TMEM163: variants seen among roughly 807,000 people sequenced by gnomAD.
TMEM163 encodes transmembrane protein 163.
TMEM163 carries 17 observed loss-of-function variants against 29.3 expected under a neutral mutation model. The ratio of observed to expected loss-of-function variants is 0.58; its 90% CI spans 0.40 to 0.87. The LOEUF is 0.87. Ranked by LOEUF, TMEM163 falls within the 40% of genes least tolerant of loss-of-function variation. The pLI, the probability that TMEM163 is intolerant of heterozygous loss-of-function variation, is 0.00. For synonymous variants in TMEM163, 157 were observed against 160.6 expected, an observed-to-expected ratio of 0.98 and a Z score of 0.17; for missense variants, 303 against 381.5, an observed-to-expected ratio of 0.79 and a Z score of 1.71.
intron 2 of TMEM163, among the ~76,000 whole-genome samples, chr2:134,680,055 C>A (rs1360406534): frequency 6.6e-6 from 1 of 152,234 alleles, no homozygotes; most frequent in East Asian, 1.9e-4. Flanking sequence ...ACCTGAGTTT[C>A]CATGGCTCTG....
intron 2 of TMEM163, among the ~76,000 whole-genome samples, chr2:134,705,209 C>CAA (rs59533911): frequency 2.3e-5 from 3 of 132,066 alleles, no homozygotes; most frequent in East Asian, 2.2e-4. Context: ...GACTCCATCT[C>CAA]AAAAAAAAAA....
intron 2 of TMEM163, among the ~76,000 whole-genome samples, chr2:134,639,172 G>A (rs1013333447): frequency 6.6e-6 from 1 of 152,174 alleles, no homozygotes; most frequent in African/African-American, 2.4e-5. Flanking sequence ...GCATTCCACC[G>A]AGCTGACACT....
chr2:134,475,687 T>A (rs1231597092), intron 5 of TMEM163, among the ~76,000 whole-genome samples: 1 of 152,132 alleles, frequency 6.6e-6, no homozygotes, highest in African/African-American at 2.4e-5. Flanking sequence ...TTAAACACTT[T>A]ACCAAATAAG....
chr2:134,586,626 G>A (rs753016254), intron 2 of TMEM163, among the ~76,000 whole-genome samples: 1 of 152,182 alleles, frequency 6.6e-6, no homozygotes, highest in African/African-American at 2.4e-5. Context: ...CTGGGAGTTA[G>A]GACTTCAACA....
Position 134,456,600 on chromosome 2 carries a change from C to A in TMEM163, c.*116G>T, listed in dbSNP as rs781525536. On this transcript the variant is annotated 3_prime_UTR_variant, in exon 8 of 8. Transcript: ENST00000281924. ...CTGGGCAGACCTTGTCTTGTAATGA[C>A]AAACCATGTGAAAGAAAACTTCCAA... 4.5e-5 allele frequency: 58 copies of A among 1,284,286 alleles called. No individual in the cohort carries two copies. Among genetic ancestry groups the A allele is most frequent in the Non-Finnish European group, 6.2e-5 (56 of 909,850 alleles). 79.6% of individuals were successfully genotyped at this position (1,284,286 alleles called of 1,614,324 possible). A position where few individuals can be genotyped will look rare whatever the true frequency, so the allele number is the denominator to read the frequency against.
At chr2:134,676,490 C>A (rs1467858307) in intron 2 of TMEM163, among the ~76,000 whole-genome samples, 1 of 152,080 alleles carries the variant, frequency 6.6e-6, no homozygotes, top group East Asian at 1.9e-4. Context: ...TTTTTAACAT[C>A]TTTATTGATA....
chr2:134,516,720 TTC>T (rs1491383819), intron 4 of TMEM163, among the ~76,000 whole-genome samples: 2 of 141,130 alleles, frequency 1.4e-5, no homozygotes, highest in Non-Finnish European at 3.1e-5. Context: ...TACATATATA[TTC>T]ATATATATGC....
chr2:134,602,872 T>C (rs376990263), intron 2 of TMEM163, among the ~76,000 whole-genome samples: 34 of 152,162 alleles, frequency 2.2e-4, no homozygotes, highest in Non-Finnish European at 3.7e-4. Flanking sequence ...GGGGATCCCA[T>C]TGGCTCTCAA....
chr2:134,653,685 G>C lies in TMEM163; in HGVS notation c.322+59515C>G, dbSNP rs1455793683. Among the ~76,000 whole-genome samples, 2 of 79,500 alleles carry C rather than the reference G, an allele frequency of 2.5e-5. 1 individual carries two copies. Among genetic ancestry groups the C allele is most frequent in the African/African-American group, 1.8e-4 (2 of 11,352 alleles). The allele number at this position is 79,500 out of a possible 152,430, so 52.2% of individuals were successfully genotyped here. A position where few individuals can be genotyped will look rare whatever the true frequency, so the allele number is the denominator to read the frequency against. On this transcript the variant is annotated intron_variant, in intron 2 of 7. Coordinates refer to ENST00000281924, the MANE Select transcript of TMEM163 (RefSeq NM_030923.5). ...TCCTGCTTTCTCTTGTGGGCATTTA[G>C]TGCTATAAATTTCCCTCTACACACT...
At chr2:134,462,235 C>T (rs1404470931) in intron 6 of TMEM163, among the ~76,000 whole-genome samples, 1 of 152,052 alleles carries the variant, frequency 6.6e-6, no homozygotes, top group Non-Finnish European at 1.5e-5. Flanking sequence ...CCTACCACTT[C>T]CCATACCCTC....
chr2:134,601,391 C>T (rs1474382421), intron 2 of TMEM163, among the ~76,000 whole-genome samples: 4 of 152,202 alleles, frequency 2.6e-5, no homozygotes, highest in East Asian at 3.9e-4. Flanking sequence ...GGAACGACAT[C>T]GCCAGCGATC....
intron 4 of TMEM163, among the ~76,000 whole-genome samples, chr2:134,538,402 T>A (rs890102092): frequency 6.6e-6 from 1 of 152,216 alleles, no homozygotes; most frequent in Non-Finnish European, 1.5e-5. Context: ...CAGTCTATGA[T>A]ATTTCATTAC....
At chr2:134,458,205 A>G in intron 6 of TMEM163, 32 bp from the exon 7 acceptor site, 1 of 1,610,842 alleles carries the variant, frequency 6.2e-7, no homozygotes, top group Non-Finnish European at 8.5e-7. Flanking sequence ...GCTAGATGGC[A>G]GTGCCAAGCA....
chr2:134,614,613 G>A (rs1682568654), intron 2 of TMEM163, among the ~76,000 whole-genome samples: 3 of 152,136 alleles, frequency 2.0e-5, no homozygotes, highest in South Asian at 4.1e-4. Flanking sequence ...CAGCATGTTG[G>A]GAGGCTGCAG....
intron 2 of TMEM163, among the ~76,000 whole-genome samples, chr2:134,567,114 C>T (rs1681314364): frequency 6.6e-6 from 1 of 152,138 alleles, no homozygotes; most frequent in Non-Finnish European, 1.5e-5. Context: ...CCATATGCTT[C>T]GGTTTTCTTA....
intron 5 of TMEM163, among the ~76,000 whole-genome samples, chr2:134,495,148 C>T (rs572334073): frequency 5.1e-4 from 78 of 152,278 alleles, no homozygotes; most frequent in Middle Eastern, 6.8e-3. Flanking sequence ...AGCGCTTTCA[C>T]GAGTGGCAAA....
rs1417608910 is a variant in TMEM163 at position 134,674,385 on chromosome 2, C to A, written c.322+38815G>T. ...TTTGAGACAGAGTATCGCTCTGTCA[C>A]CAGGCTGGAGTGCAGTAGCACAATC... On this transcript the variant is annotated intron_variant, in intron 2 of 7. Coordinates refer to ENST00000281924, the MANE Select transcript of TMEM163 (RefSeq NM_030923.5). Among the ~76,000 whole-genome samples the A allele has an allele frequency of 2.2e-5, 3 of 137,116 alleles. No individual in the cohort carries two copies. In the Admixed American group the frequency reaches 2.3e-4, roughly 11 times the overall value. 90.0% of individuals were successfully genotyped at this position (137,116 alleles called of 152,430 possible). A position where few individuals can be genotyped will look rare whatever the true frequency, so the allele number is the denominator to read the frequency against.
At chr2:134,692,293 T>G (rs1203316436) in intron 2 of TMEM163, among the ~76,000 whole-genome samples, 1 of 152,186 alleles carries the variant, frequency 6.6e-6, no homozygotes, top group Non-Finnish European at 1.5e-5. Context: ...AAATAGATCT[T>G]GTTATTAGAA....
At chr2:134,567,300 G>A (rs987406085) in intron 2 of TMEM163, among the ~76,000 whole-genome samples, 11 of 152,278 alleles carry the variant, frequency 7.2e-5, no homozygotes, top group Middle Eastern at 6.8e-3. Flanking sequence ...CTCGTGCAGC[G>A]AGAGATTTAA....
Sources: gnomAD v4.1 joint callset for allele counts (sites outside exome capture counted in the v4.1 genomes callset) on GRCh38, gnomAD v4.1.1 for gene constraint, MANE v1.5 for transcripts, NCBI Gene and HGNC (gene_info 2026-07-23, HGNC 2026-07-21) for gene names.